The following CYP2S1 variants were observed in gnomAD, a reference collection of about 807,000 sequenced individuals.
CYP2S1 encodes cytochrome P450 family 2 subfamily S member 1.
In CYP2S1, 32 loss-of-function variants were observed where a neutral mutation model predicts 43.5. The ratio of observed to expected loss-of-function variants is 0.74; its 90% CI spans 0.56 to 0.99. The LOEUF is 0.99. Among genes scored for constraint, CYP2S1 ranks in the 50% least tolerant of loss-of-function variants. CYP2S1 has a pLI of 0.00. For synonymous variants in CYP2S1, 283 were observed against 302.9 expected, an observed-to-expected ratio of 0.93 and a Z score of 0.68; for missense variants, 575 against 673.9, an observed-to-expected ratio of 0.85 and a Z score of 1.62.
In CYP2S1 at chr19:41,198,740, C is replaced by T. The variant is rs768488156; in HGVS notation, c.686C>T (p.Pro229Leu). 1 of 1,614,190 alleles carries T rather than the reference C, an allele frequency of 6.2e-7. No homozygotes were observed. Among genetic ancestry groups the T allele is most frequent in the Non-Finnish European group, 8.5e-7 (1 of 1,180,028 alleles). ...GAGATGTTCTCCTGGTTCCTGCGGC[C>T]CCTGCCAGGCCCCCACAAGCAGCTC... The part of the protein sequence containing the change: ...TYEMFSWFLR[P>L]LPGPHKQLLH... Residue 229 changes from proline (P) to leucine (L), a missense_variant, in exon 5 of 9, where the codon CCC becomes CTC. Physicochemically the swap from Pro to Leu is moderately conservative, Grantham distance 98. This residue lies in a region of CYP2S1 where 353 missense variants were observed against 367.6 expected (regional missense o/e 0.96). Coordinates refer to ENST00000310054, the MANE Select transcript of CYP2S1 (RefSeq NM_030622.8). The surrounding 1 kb of genome is among the most constrained non-coding windows in gnomAD (Gnocchi z 4.9).
At chr19:41,201,468 G>A (rs1190667953) in intron 6 of CYP2S1, 96 bp downstream of exon 6, 1 of 1,478,624 alleles carries the variant, frequency 6.8e-7, no homozygotes, top group Non-Finnish European at 9.0e-7. Context: ...CACTTTGGGA[G>A]GCTGAGGCGG....
Position 41,197,843 on chromosome 19 carries a change from G to A in CYP2S1, c.408G>A (p.Arg136=), listed in dbSNP as rs2033433718. The A allele has an allele frequency of 2.5e-6, 4 of 1,614,058 alleles. No homozygotes were observed. In the African/African-American group the frequency reaches 4.0e-5, roughly 16 times the overall value. The change falls in exon 3 of 9, where the codon CGG becomes CGA. Residue 136 remains arginine, a synonymous_variant. Transcript: ENST00000310054. ...QLRKFTMLAL[R]DLGMGKREGE... Reference sequence around the variant, plus strand: ...GGAAGTTTACCATGCTTGCTCTGCGGGACCTGGGCATGGGGAAGCGAGAAG... The same window carrying A: ...GGAAGTTTACCATGCTTGCTCTGCGAGACCTGGGCATGGGGAAGCGAGAAG...
At chr19:41,202,832 G>A (rs2033507256) in intron 6 of CYP2S1, among the ~76,000 whole-genome samples, 1 of 151,542 alleles carries the variant, frequency 6.6e-6, no homozygotes, top group African/African-American at 2.4e-5. Context: ...CAGGTACGGT[G>A]GCTCACATCT....
At chr19:41,199,735 C>T (rs892593345) in intron 5 of CYP2S1, among the ~76,000 whole-genome samples, 1 of 151,838 alleles carries the variant, frequency 6.6e-6, no homozygotes, top group Non-Finnish European at 1.5e-5. Context: ...GAGGCCGAGA[C>T]GGGCGGATCA....
chr19:41,205,398 T>TC (rs2033557900), intron 7 of CYP2S1, among the ~76,000 whole-genome samples: 1 of 78,000 alleles, frequency 1.3e-5, no homozygotes. Flanking sequence ...CTCTCTTTCT[T>TC]TCTCTCTTTC....
chr19:41,194,144 TG>T (rs1599710992), intron 1 of CYP2S1, among the ~76,000 whole-genome samples: 1 of 151,150 alleles, frequency 6.6e-6, no homozygotes, highest in African/African-American at 2.4e-5. Flanking sequence ...GGGGGAGAGA[TG>T]GGGCGGATAC....
chr19:41,200,745 C>G lies in CYP2S1; in HGVS notation c.835-486C>G, dbSNP rs1318766153. Among the ~76,000 whole-genome samples, 5 of 152,080 alleles carry G rather than the reference C, an allele frequency of 3.3e-5. No individual in the cohort carries two copies. The East Asian group carries it at 7.7e-4, about 23-fold the overall frequency. The stretch of plus-strand genomic sequence containing the variant: ...AAAAATGAAAGAGAATGACTAATAA[C>G]AAAAACACAGAAAGTTATAAGGATT... On this transcript the variant is annotated intron_variant, in intron 5 of 8. Transcript: ENST00000310054.
rs1426061136 is a variant in CYP2S1 at position 41,193,231 on chromosome 19, C to T, written c.-34C>T. ...CCCTAACTAGCCCAGCCGCGCGGAG[C>T]GCCTGGGAGAGGAGAAGGAGCCGAC... is the stretch of plus-strand genomic sequence containing the variant. On this transcript the variant is annotated 5_prime_UTR_variant, in exon 1 of 9. Coordinates refer to ENST00000310054, the MANE Select transcript of CYP2S1 (RefSeq NM_030622.8). The T allele has an allele frequency of 3.3e-6, 5 of 1,493,924 alleles. No individual in the cohort carries two copies. The East Asian group carries it at 1.0e-4, about 31-fold the overall frequency. 92.5% of individuals were successfully genotyped at this position (1,493,924 alleles called of 1,614,324 possible). A position where few individuals can be genotyped will look rare whatever the true frequency, so the allele number is the denominator to read the frequency against.
rs2122173154 is a variant in CYP2S1, at chr19:41,206,706, A to G, written c.*218A>G. Reference sequence around the variant, plus strand: ...CCCATACACAACTACAAGGGCCACAAAGCAACTGCTGGGTTAGCTTTCCAC... The same window carrying G: ...CCCATACACAACTACAAGGGCCACAGAGCAACTGCTGGGTTAGCTTTCCAC... On this transcript the variant is annotated 3_prime_UTR_variant, in exon 9 of 9. Transcript: ENST00000310054. 1 of 767,480 alleles carries G rather than the reference A, an allele frequency of 1.3e-6. No individual in the cohort carries two copies. The allele number at this position is 767,480 out of a possible 1,614,324, so 47.5% of individuals were successfully genotyped here. A position where few individuals can be genotyped will look rare whatever the true frequency, so the allele number is the denominator to read the frequency against.
At chr19:41,201,188 C>T (rs754542013) in intron 5 of CYP2S1, 43 bp from the exon 6 acceptor site, 27 of 1,603,956 alleles carry the variant, frequency 1.7e-5, no homozygotes, top group African/African-American at 2.7e-5. Context: ...ATTTACTTCC[C>T]AAAGGCTGTG....
At position 41,206,039 on chromosome 19, in the gene CYP2S1, C is replaced by G; in HGVS notation, c.1246C>G (p.Arg416Gly). The change falls in exon 8 of 9, where the codon CGT becomes GGT. Residue 416 changes from arginine to glycine, a missense_variant. Around this residue, in one of 2 missense-constraint regions of CYP2S1, gnomAD observed 222 missense variants for 306.3 expected, o/e 0.72. Transcript: ENST00000310054. ...GCACCCAGAAGAGTTCAACCCAGAC[C>G]GTTTCCTGGATGCAGATGGACGGTT... Reference protein sequence around the residue: ...FKHPEEFNPDRFLDADGRFRK... With the variant: ...FKHPEEFNPDGFLDADGRFRK... 1 of 1,614,108 alleles carries G rather than the reference C, an allele frequency of 6.2e-7. No individual in the cohort carries two copies. The highest frequency in any genetic ancestry group is 1.1e-5 in the South Asian group (1 of 91,084).
At chr19:41,203,952 C>T (rs2033528434) in intron 7 of CYP2S1, among the ~76,000 whole-genome samples, 1 of 152,058 alleles carries the variant, frequency 6.6e-6, no homozygotes. Context: ...ACCTCCGCCT[C>T]CCAGGTTCAA....
intron 2 of CYP2S1, among the ~76,000 whole-genome samples, chr19:41,197,321 C>G (rs1036057723): frequency 2.6e-5 from 4 of 152,188 alleles, no homozygotes; most frequent in Admixed American, 2.6e-4. Context: ...ATTTATTGAG[C>G]ACCTACTGAG....
At chr19:41,201,121 A>C in intron 5 of CYP2S1, 110 bp from the exon 6 acceptor site, 1,815 of 1,423,172 alleles carry the variant, frequency 1.3e-3, no homozygotes, top group Non-Finnish European at 1.6e-3. Flanking sequence ...AATTTATCTA[A>C]ACCCCGTGAC....
rs780202651 is a variant in CYP2S1 at position 41,201,375 on chromosome 19, A to G, written c.976+3A>G. On this transcript the variant is annotated splice_donor_region_variant and intron_variant, in intron 6 of 8. Transcript: ENST00000310054. ...GATGAAATACCCTCATGTCCAAAGT[A>G]AGAGCCTTTTCCACTTGCCAGGCCT... The G allele has an allele frequency of 3.1e-6, 5 of 1,613,242 alleles. No homozygotes were observed. In the African/African-American group the frequency reaches 6.7e-5, roughly 22 times the overall value.
chr19:41,206,081 TTCCTGCCC>T lies in CYP2S1; in HGVS notation c.1290_1297del (p.Pro432LeufsTer62). 1 of 1,614,012 alleles carries T rather than the reference TTCCTGCCC, an allele frequency of 6.2e-7. No individual in the cohort carries two copies. Among genetic ancestry groups the T allele is most frequent in the Non-Finnish European group, 8.5e-7 (1 of 1,180,002 alleles). On this transcript the variant is annotated frameshift_variant, in exon 8 of 9. Coordinates refer to ENST00000310054, the MANE Select transcript of CYP2S1 (RefSeq NM_030622.8). LOFTEE classifies it low-confidence loss of function (END_TRUNC). ...TGGACGGTTCAGGAAGCATGAGGCGTTCCTGCCCTTCTCCTTAGGTATCTGCTGCAGCC... is the reference window on the plus strand; with the variant it reads ...TGGACGGTTCAGGAAGCATGAGGCGTTTCTCCTTAGGTATCTGCTGCAGCC...
intron 5 of CYP2S1, 77 bp from the exon 6 acceptor site, chr19:41,201,154 A>C: frequency 3.3e-6 from 5 of 1,536,234 alleles, no homozygotes; most frequent in Non-Finnish European, 4.4e-6. Flanking sequence ...TGTGTTTCCG[A>C]CCCCAGGCTT....
chr19:41,201,949 C>T (rs188713717), intron 6 of CYP2S1, among the ~76,000 whole-genome samples: 3 of 152,038 alleles, frequency 2.0e-5, no homozygotes, highest in East Asian at 3.9e-4. Flanking sequence ...TGACTTTGAG[C>T]AGGGGAGGGC....
rs2033590585 is a variant in CYP2S1, at chr19:41,207,013, C to A, written c.*525C>A. ...ACTCATGCTCCCTCTCTTGGCTACA[C>A]CACTCTCCCAGCCTGTGACCACCGA... On this transcript the variant is annotated 3_prime_UTR_variant, in exon 9 of 9. Coordinates refer to ENST00000310054, the MANE Select transcript of CYP2S1 (RefSeq NM_030622.8). The A allele has an allele frequency of 3.2e-6, 1 of 316,412 alleles. No individual in the cohort carries two copies. Among genetic ancestry groups the A allele is most frequent in the South Asian group, 2.6e-5 (1 of 38,814 alleles). 19.6% of individuals were successfully genotyped at this position (316,412 alleles called of 1,614,324 possible).
Sources: gnomAD v4.1 joint callset for allele counts (sites outside exome capture counted in the v4.1 genomes callset) on GRCh38, gnomAD v4.1.1 for gene constraint, gnomAD v4.1.1 regional missense constraint, Gnocchi (gnomAD v3.1) non-coding constraint, MANE v1.5 for transcripts, NCBI Gene and HGNC (gene_info 2026-07-23, HGNC 2026-07-21) for gene names.